Variants in TOP6BL observed in about 807,000 individuals in gnomAD.
The protein encoded by TOP6BL is type 2 DNA topoisomerase 6 subunit B-like.
chr11:66,820,513 A>G, the TOP6BL span, among the ~76,000 whole-genome samples: 1 of 152,140 alleles, frequency 6.6e-6, no homozygotes, highest in African/African-American at 2.4e-5. Flanking sequence ...GCTCTCACAT[A>G]TTAGCTTTTC....
the TOP6BL span, chr11:66,800,805 T>C: frequency 9.2e-7 from 1 of 1,081,266 alleles, no homozygotes; most frequent in Non-Finnish European, 1.3e-6. Context: ...TGACCCAAAG[T>C]CACCTTGAAA....
At chr11:66,787,434 G>A in the TOP6BL span, among the ~76,000 whole-genome samples, 1 of 151,424 alleles carries the variant, frequency 6.6e-6, no homozygotes, top group Non-Finnish European at 1.5e-5. Context: ...GGCCAGGCGC[G>A]GTGGCTCATG....
the TOP6BL span, chr11:66,748,363 A>G: frequency 5.9e-6 from 9 of 1,519,158 alleles, no homozygotes; most frequent in Admixed American, 1.4e-4. Context: ...TTTTCTTTGA[A>G]TTGTGCTCTT....
At chr11:66,797,853 T>G in the TOP6BL span, among the ~76,000 whole-genome samples, 85 of 152,312 alleles carry the variant, frequency 5.6e-4, 1 homozygote, top group African/African-American at 2.0e-3. Context: ...GCTAAATTTT[T>G]TATTATCTGT....
At chr11:66,798,194 C>T in the TOP6BL span, among the ~76,000 whole-genome samples, 1 of 151,828 alleles carries the variant, frequency 6.6e-6, no homozygotes, top group South Asian at 2.1e-4. Flanking sequence ...GTGAGGTACA[C>T]TGGAGAGGAT....
the TOP6BL span, chr11:66,821,878 T>G: frequency 8.1e-7 from 1 of 1,238,184 alleles, no homozygotes; most frequent in East Asian, 2.6e-5. Flanking sequence ...TCCTCTCCTC[T>G]TCTGTCACCT....
At chr11:66,820,681 A>T in the TOP6BL span, among the ~76,000 whole-genome samples, 2 of 152,232 alleles carry the variant, frequency 1.3e-5, no homozygotes, top group African/African-American at 4.8e-5. Context: ...TGATGTTCAC[A>T]TAGACGTAGA....
the TOP6BL span, among the ~76,000 whole-genome samples, chr11:66,836,482 T>TA: frequency 6.6e-6 from 1 of 151,606 alleles, no homozygotes; most frequent in Admixed American, 6.6e-5. Context: ...GTGTAGGGAT[T>TA]ACAGACGTGA....
chr11:66,795,383 C>T, the TOP6BL span, among the ~76,000 whole-genome samples: 1 of 150,712 alleles, frequency 6.6e-6, no homozygotes, highest in Non-Finnish European at 1.5e-5. Context: ...TTCACTGCAA[C>T]CTCCACCTCC....
the TOP6BL span, among the ~76,000 whole-genome samples, chr11:66,835,257 C>CA: frequency 1.1e-3 from 154 of 141,696 alleles, 1 homozygote; most frequent in East Asian, 0.013. Flanking sequence ...AAGCTAAAGC[C>CA]AAAAAAAAAA....
the TOP6BL span, among the ~76,000 whole-genome samples, chr11:66,782,976 T>C: frequency 6.6e-6 from 1 of 152,174 alleles, no homozygotes; most frequent in East Asian, 1.9e-4. Context: ...GTGGTTTGTT[T>C]AGTGGTTATT....
chr11:66,753,381 C>G, the TOP6BL span, among the ~76,000 whole-genome samples: 3 of 150,506 alleles, frequency 2.0e-5, no homozygotes, highest in African/African-American at 7.3e-5. Context: ...TACTGCTGCT[C>G]ACGTTCTATT....
At chr11:66,843,045 G>A in the TOP6BL span, 30 of 1,560,710 alleles carry the variant, frequency 1.9e-5, no homozygotes, top group Non-Finnish European at 2.5e-5. Flanking sequence ...CGCCGGGCAG[G>A]GCGAGCCTCG....
At chr11:66,840,928 T>C in the TOP6BL span, among the ~76,000 whole-genome samples, 1 of 152,130 alleles carries the variant, frequency 6.6e-6, no homozygotes, top group Non-Finnish European at 1.5e-5. Context: ...CAAATTGGTA[T>C]GACCAGCCAA....
the TOP6BL span, among the ~76,000 whole-genome samples, chr11:66,755,054 C>G: frequency 1.3e-5 from 2 of 151,876 alleles, no homozygotes; most frequent in African/African-American, 2.4e-5. Flanking sequence ...TCCCTGTCCC[C>G]TTATACTTAG....
the TOP6BL span, among the ~76,000 whole-genome samples, chr11:66,835,870 T>C: frequency 6.6e-6 from 1 of 152,248 alleles, no homozygotes. Flanking sequence ...AACAGCATAT[T>C]TGTGTGGACA....
At chr11:66,818,910 G>T in the TOP6BL span, among the ~76,000 whole-genome samples, 1 of 152,186 alleles carries the variant, frequency 6.6e-6, no homozygotes, top group Non-Finnish European at 1.5e-5. Flanking sequence ...GCTTGACCCT[G>T]AAGGCCTGCA....
chr11:66,810,553 A>C, the TOP6BL span, among the ~76,000 whole-genome samples: 1 of 152,294 alleles, frequency 6.6e-6, no homozygotes, highest in South Asian at 2.1e-4. Context: ...CTGGAGAGGA[A>C]AGATGGAGGG....
chr11:66,761,898 T>C, the TOP6BL span: 3 of 1,228,778 alleles, frequency 2.4e-6, no homozygotes, highest in Non-Finnish European at 3.6e-6. Context: ...GCCATCATTC[T>C]TTATAGCTTC....
Sources: allele counts gnomAD v4.1 joint callset (sites outside exome capture counted in the v4.1 genomes callset), GRCh38; gene constraint gnomAD v4.1.1; transcripts MANE v1.5; gene names NCBI Gene and HGNC (gene_info 2026-07-23, HGNC 2026-07-21).